The following SLC19A3 variants were observed in gnomAD, a reference collection of about 807,000 sequenced individuals.
The protein encoded by SLC19A3 is solute carrier family 19 member 3.
A neutral mutation model predicts 40.2 loss-of-function variants in SLC19A3; 31 were observed. The ratio of observed to expected loss-of-function variants is 0.77; its 90% CI spans 0.58 to 1.04. SLC19A3 has a LOEUF of 1.04. SLC19A3 is among the 50% of genes least tolerant of loss of function. The pLI, the probability that SLC19A3 is intolerant of heterozygous loss-of-function variation, is 0.00. For synonymous variants in SLC19A3, 212 were observed against 227.5 expected, an observed-to-expected ratio of 0.93 and a Z score of 0.61; for missense variants, 592 against 596.7, an observed-to-expected ratio of 0.99 and a Z score of 0.08.
Position 227,688,284 on chromosome 2 carries a change from T to C in SLC19A3, c.1196A>G (p.Asn399Ser), listed in dbSNP as rs748911011. The C allele has an allele frequency of 6.2e-7, 1 of 1,614,054 alleles. No homozygotes were observed. Among genetic ancestry groups the C allele is most frequent in the South Asian group, 1.1e-5 (1 of 91,082 alleles). ...AAATACCAAGGCATAGCGTTCCACA[T>C]TCAGATTAACTGCAATCTGAAATCT... ...IAVFQIAVNL[N>S]VERYALVFGI... is the part of the protein sequence containing the mutation. The change falls in exon 5 of 6, where the codon AAT becomes AGT. Residue 399 changes from asparagine (N) to serine (S), a missense_variant. Physicochemically the swap from Asn to Ser is conservative, Grantham distance 46. Coordinates refer to ENST00000644224, the MANE Select transcript of SLC19A3 (RefSeq NM_025243.4).
Position 227,703,545 on chromosome 2 carries a change from G to C in SLC19A3, c.-2-1225C>G, listed in dbSNP as rs1695796867. ...TTGAAACTAGGATTACAGCATCAGT[G>C]AGCAATGCTGACAATGTGAAAATTT... On this transcript the variant is annotated intron_variant, in intron 1 of 5. Transcript: ENST00000644224. This position sits in a 1 kb window ranked among gnomAD's most constrained non-coding sequence, Gnocchi z 4.7. 6.6e-6 allele frequency among the ~76,000 whole-genome samples: 1 copy of C among 152,218 alleles called. No individual in the cohort carries two copies. Among genetic ancestry groups the C allele is most frequent in the Non-Finnish European group, 1.5e-5 (1 of 68,042 alleles).
intron 1 of SLC19A3, among the ~76,000 whole-genome samples, chr2:227,713,796 G>GA (rs35746366): frequency 0.61 from 91,318 of 150,130 alleles, 30,159 homozygotes; most frequent in Non-Finnish European, 0.75. Context: ...AAGATGATTT[G>GA]AAAAAAAAAC....
Position 227,698,723 on chromosome 2 carries a change from G to T in SLC19A3, c.979+13C>A. The T allele has an allele frequency of 6.2e-7, 1 of 1,606,616 alleles. No homozygotes were observed. The highest frequency in any genetic ancestry group is 8.5e-7 in the Non-Finnish European group (1 of 1,174,374). ...TAAAGCCAACAAAGGAAGATTAAGTGACATTTGCTTACCTCCAAAGGTTGC... is the reference window on the plus strand; with the variant it reads ...TAAAGCCAACAAAGGAAGATTAAGTTACATTTGCTTACCTCCAAAGGTTGC... On this transcript the variant is annotated intron_variant, in intron 3 of 5. Coordinates refer to ENST00000644224, the MANE Select transcript of SLC19A3 (RefSeq NM_025243.4).
At chr2:227,716,841 G>A (rs1197372662) in intron 1 of SLC19A3, among the ~76,000 whole-genome samples, 1 of 151,918 alleles carries the variant, frequency 6.6e-6, no homozygotes, top group East Asian at 1.9e-4. Flanking sequence ...TGGTATTTTT[G>A]TCCATTTCAG....
rs149523711 is a variant in SLC19A3, at chr2:227,717,758, T to A, written c.-3+185A>T. Among the ~76,000 whole-genome samples, 5 of 152,086 alleles carry A rather than the reference T, an allele frequency of 3.3e-5. No homozygotes were observed. In the East Asian group the frequency reaches 9.7e-4, roughly 30 times the overall value. On this transcript the variant is annotated intron_variant, in intron 1 of 5. Transcript: ENST00000644224. ...GGAATTCCAGACAAACCCACTTGGG[T>A]GAATCCCAGCACGCGGGCTGCGGCG...
chr2:227,705,124 C>T (rs989711827), intron 1 of SLC19A3, among the ~76,000 whole-genome samples: 20 of 151,834 alleles, frequency 1.3e-4, no homozygotes, highest in South Asian at 6.3e-4. Context: ...GTGATCCGCC[C>T]GCCTCAGCCT....
At chr2:227,710,635 T>A (rs1389878073) in intron 1 of SLC19A3, among the ~76,000 whole-genome samples, 1 of 152,146 alleles carries the variant, frequency 6.6e-6, no homozygotes, top group Admixed American at 6.5e-5. Flanking sequence ...CAGAGCATGA[T>A]CTTCAGCTCC....
rs1695592455 is a variant in SLC19A3, at chr2:227,699,529, G to A, written c.186C>T (p.Ser62=). The part of the protein sequence containing the change: ...TNEIFPVWTY[S]YLVLLLPVFV... Reference sequence around the variant, plus strand: ...ACACAGGCAGCAGCAGCACCAGGTAGGAGTATGTCCAAACGGGGAAGATCT... The same window carrying A: ...ACACAGGCAGCAGCAGCACCAGGTAAGAGTATGTCCAAACGGGGAAGATCT... Residue 62 remains serine (S), a synonymous_variant, in exon 3 of 6, where the codon TCC becomes TCT. Transcript: ENST00000644224. 2 of 1,614,180 alleles carry A rather than the reference G, an allele frequency of 1.2e-6. No homozygotes were observed. The highest frequency in any genetic ancestry group is 1.7e-6 in the Non-Finnish European group (2 of 1,180,044).
At chr2:227,702,375 C>T in intron 1 of SLC19A3, 55 bp from the exon 2 acceptor site, 2 of 1,566,674 alleles carry the variant, frequency 1.3e-6, no homozygotes, top group Non-Finnish European at 1.7e-6. Flanking sequence ...TTTTAGCATC[C>T]TTGATGCGAT....
intron 4 of SLC19A3, among the ~76,000 whole-genome samples, chr2:227,690,706 CAAAAAAAAAAAAA>C (rs34163746): frequency 2.6e-5 from 1 of 39,146 alleles, no homozygotes; most frequent in Non-Finnish European, 4.6e-5. Context: ...GACTCCATCT[CAAAAAAAAAAAAA>C]AAAAAAAAAA....
Position 227,685,001 on chromosome 2 carries a change from A to AAAAAAAAC in SLC19A3, c.*2395_*2396insGTTTTTTT. The AAAAAAAAC allele has an allele frequency of 6.7e-6, 1 of 149,278 alleles. No homozygotes were observed. Among genetic ancestry groups the AAAAAAAAC allele is most frequent in the Non-Finnish European group, 1.5e-5 (1 of 67,774 alleles). 9.2% of individuals were successfully genotyped at this position (149,278 alleles called of 1,614,324 possible). A position where few individuals can be genotyped will look rare whatever the true frequency, so the allele number is the denominator to read the frequency against. Reference sequence around the variant, plus strand: ...CTATCAAAAAAAAAAAAAAAAAAAAAAAAAGAAGAAGAAGAAAAAGAATAG... The same window carrying AAAAAAAAC: ...CTATCAAAAAAAAAAAAAAAAAAAAAAAAAAAACAAAAGAAGAAGAAGAAAAAGAATAG... On this transcript the variant is annotated 3_prime_UTR_variant, in exon 6 of 6. Coordinates refer to ENST00000644224, the MANE Select transcript of SLC19A3 (RefSeq NM_025243.4).
intron 1 of SLC19A3, among the ~76,000 whole-genome samples, chr2:227,707,036 C>T (rs1334032816): frequency 2.0e-5 from 3 of 152,146 alleles, no homozygotes; most frequent in Non-Finnish European, 2.9e-5. Context: ...TGCTCCACTC[C>T]AGAGCTACAG....
chr2:227,691,077 C>G (rs1695207407), intron 4 of SLC19A3, among the ~76,000 whole-genome samples: 1 of 152,094 alleles, frequency 6.6e-6, no homozygotes, highest in Admixed American at 6.6e-5. Flanking sequence ...AACATCGTCT[C>G]TGACCACAAT....
chr2:227,690,535 G>A (rs1380514336), intron 4 of SLC19A3, among the ~76,000 whole-genome samples: 2 of 151,452 alleles, frequency 1.3e-5, no homozygotes, highest in African/African-American at 2.4e-5. Context: ...ATGAAACCCC[G>A]TCTCTACTAA....
chr2:227,694,232 C>T (rs1695341311), intron 4 of SLC19A3, among the ~76,000 whole-genome samples: 2 of 152,138 alleles, frequency 1.3e-5, no homozygotes, highest in Admixed American at 6.5e-5. Flanking sequence ...GTCTCGAACT[C>T]CTGACCTCAG....
At chr2:227,706,475 T>A (rs28524686) in intron 1 of SLC19A3, 4 of 1,171,248 alleles carry the variant, frequency 3.4e-6, no homozygotes, top group Non-Finnish European at 3.1e-6. Flanking sequence ...AACGGTAGAT[T>A]AAAAATTTTA....
In SLC19A3 at chr2:227,685,170, T is replaced by C. The variant is rs1201199516; in HGVS notation, c.*2227A>G. 5.3e-5 allele frequency: 8 copies of C among 151,916 alleles called. No individual in the cohort carries two copies. Among genetic ancestry groups the C allele is most frequent in the African/African-American group, 1.9e-4 (8 of 41,368 alleles). The allele number at this position is 151,916 out of a possible 1,614,324, so 9.4% of individuals were successfully genotyped here. A position where few individuals can be genotyped will look rare whatever the true frequency, so the allele number is the denominator to read the frequency against. ...GGAGTATACTTGAGAAACATATTAG[T>C]CCATTATCACATTGCTATAAAGAAA... On this transcript the variant is annotated 3_prime_UTR_variant, in exon 6 of 6. Coordinates refer to ENST00000644224, the MANE Select transcript of SLC19A3 (RefSeq NM_025243.4).
chr2:227,712,101 A>T (rs1330527234), intron 1 of SLC19A3, among the ~76,000 whole-genome samples: 3 of 147,982 alleles, frequency 2.0e-5, no homozygotes, highest in South Asian at 4.3e-4. Flanking sequence ...CTCAAGAGGT[A>T]CTGTTAAGAA....
At position 227,714,587 on chromosome 2, in the gene SLC19A3, C is replaced by G. The variant is rs1696263816; in HGVS notation, c.-3+3356G>C. ...TACCCTGGAGTCTCTTGTCCTCCTCCTTCAGACAGAGCTGCCAAGAGCAAT... is the reference window on the plus strand; with the variant it reads ...TACCCTGGAGTCTCTTGTCCTCCTCGTTCAGACAGAGCTGCCAAGAGCAAT... On this transcript the variant is annotated intron_variant, in intron 1 of 5. Transcript: ENST00000644224. 4 of 984,776 alleles carry G rather than the reference C, an allele frequency of 4.1e-6. No individual in the cohort carries two copies. The Admixed American group carries it at 2.5e-4, about 61-fold the overall frequency. 61.0% of individuals were successfully genotyped at this position (984,776 alleles called of 1,614,324 possible). A position where few individuals can be genotyped will look rare whatever the true frequency, so the allele number is the denominator to read the frequency against.
Sources: gnomAD v4.1 joint callset for allele counts (sites outside exome capture counted in the v4.1 genomes callset) on GRCh38, gnomAD v4.1.1 for gene constraint, Gnocchi (gnomAD v3.1) non-coding constraint, MANE v1.5 for transcripts, NCBI Gene and HGNC (gene_info 2026-07-23, HGNC 2026-07-21) for gene names.